STAM2: variants seen among roughly 807,000 people sequenced by gnomAD.
STAM2 encodes the protein signal transducing adapter molecule 2.
Under a neutral mutation model 65.6 loss-of-function variants are expected in STAM2, and 51 were observed. That is an observed-to-expected ratio of 0.78 (90% CI 0.62 to 0.98). STAM2 has a LOEUF of 0.98. STAM2 is among the 50% of genes least tolerant of loss of function. The pLI, the probability that STAM2 is intolerant of heterozygous loss-of-function variation, is 0.00. For missense variants in STAM2, 584 were observed against 617.8 expected (o/e 0.95, Z 0.58); for synonymous variants, 198 against 208.4 (o/e 0.95, Z 0.43).
At chr2:152,122,255 C>T (rs1202213577) in intron 13 of STAM2, among the ~76,000 whole-genome samples, 2 of 151,576 alleles carry the variant, frequency 1.3e-5, no homozygotes, top group African/African-American at 4.9e-5. Context: ...TGGCAATACC[C>T]ATCTCTACAA....
chr2:152,119,966 A>T lies in STAM2; in HGVS notation c.*608T>A, dbSNP rs1413127868. On this transcript the variant is annotated 3_prime_UTR_variant, in exon 14 of 14. Transcript: ENST00000263904. ...ACATAACAGTGAGAGCAAAAGTGAC[A>T]ATACTGCAAACACAACCGCAATTTA... The T allele has an allele frequency of 6.5e-6, 1 of 152,816 alleles. No homozygotes were observed. Among genetic ancestry groups the T allele is most frequent in the Non-Finnish European group, 1.5e-5 (1 of 68,220 alleles). 9.5% of individuals were successfully genotyped at this position (152,816 alleles called of 1,614,324 possible).
intron 12 of STAM2, among the ~76,000 whole-genome samples, chr2:152,125,018 A>G (rs576089687): frequency 1.3e-5 from 2 of 152,376 alleles, no homozygotes; most frequent in African/African-American, 4.8e-5. Flanking sequence ...TTTTAGAGAC[A>G]TGAGTTGTGC....
intron 1 of STAM2, 26 bp from the exon 2 acceptor site, chr2:152,150,255 CAAT>C (rs1560218428): frequency 8.4e-6 from 12 of 1,422,342 alleles, no homozygotes; most frequent in South Asian, 2.3e-5. Context: ...GCATACACAA[CAAT>C]GAGGACACAT....
At chr2:152,175,469 G>A (rs1689997848) in intron 1 of STAM2, 134 bp downstream of exon 1, 3 of 1,164,900 alleles carry the variant, frequency 2.6e-6, no homozygotes, top group Non-Finnish European at 3.7e-6. Context: ...CGTCGAAGGA[G>A]CGGGCGGCAC....
intron 2 of STAM2, 63 bp downstream of exon 2, chr2:152,150,082 C>T: frequency 8.8e-7 from 1 of 1,131,566 alleles, no homozygotes; most frequent in South Asian, 1.3e-5. Context: ...AAAGTTACAT[C>T]ACAAAAAGAG....
intron 1 of STAM2, among the ~76,000 whole-genome samples, chr2:152,172,686 T>C (rs976495849): frequency 2.0e-5 from 3 of 151,748 alleles, no homozygotes; most frequent in Non-Finnish European, 4.4e-5. Context: ...CTGGCCAACA[T>C]GGTGAAACCT....
At chr2:152,152,790 A>G (rs940802321) in intron 1 of STAM2, among the ~76,000 whole-genome samples, 3 of 152,198 alleles carry the variant, frequency 2.0e-5, no homozygotes, top group African/African-American at 7.2e-5. Flanking sequence ...TTTCACCTGA[A>G]GTTTCACAAC....
At chr2:152,145,974 A>T (rs1403296781) in intron 5 of STAM2, among the ~76,000 whole-genome samples, 1 of 152,150 alleles carries the variant, frequency 6.6e-6, no homozygotes, top group East Asian at 1.9e-4. Flanking sequence ...GGTCAGCTAT[A>T]AAGAATCTTT....
rs1403898578 is a variant in STAM2, at chr2:152,126,258, A to C, written c.1147T>G (p.Tyr383Asp). 3 of 1,606,616 alleles carry C rather than the reference A, an allele frequency of 1.9e-6. No homozygotes were observed. The highest frequency in any genetic ancestry group is 2.5e-6 in the Non-Finnish European group (3 of 1,176,504). Residue 383 changes from tyrosine to aspartate, a missense_variant, in exon 12 of 14, where the codon TAC (tyrosine) becomes GAC (aspartate). Transcript: ENST00000263904. ...GGAACCCCAGATGATGCAGGTGGGTAATGTGCTGGAGGGTGGAGCTTTGAA... is the reference window on the plus strand; with the variant it reads ...GGAACCCCAGATGATGCAGGTGGGTCATGTGCTGGAGGGTGGAGCTTTGAA... ...VYSKLHPPAH[Y>D]PPASSGVPMQ... is the part of the protein sequence containing the mutation.
At chr2:152,152,955 A>G (rs10930959) in intron 1 of STAM2, among the ~76,000 whole-genome samples, 35,497 of 152,146 alleles carry the variant, frequency 0.23, 4,226 homozygotes, top group Admixed American at 0.31. Context: ...TACAGTATGT[A>G]TGTAGAAAAT....
At chr2:152,156,593 T>C (rs190025883) in intron 1 of STAM2, among the ~76,000 whole-genome samples, 101 of 152,180 alleles carry the variant, frequency 6.6e-4, no homozygotes, top group African/African-American at 2.3e-3. Flanking sequence ...GATTACTGTA[T>C]AAAAAGAGCC....
At chr2:152,143,074 T>C (rs1689277611) in intron 7 of STAM2, among the ~76,000 whole-genome samples, 1 of 152,212 alleles carries the variant, frequency 6.6e-6, no homozygotes, top group Non-Finnish European at 1.5e-5. Flanking sequence ...TATTCTAGGT[T>C]TTATGAAGAC....
intron 1 of STAM2, among the ~76,000 whole-genome samples, chr2:152,173,378 A>ATATATATATG (rs1553848910): frequency 1.4e-5 from 2 of 147,376 alleles, no homozygotes; most frequent in African/African-American, 4.9e-5. Flanking sequence ...ATATACATAT[A>ATATATATATG]TATATATATG....
rs751556046 is a variant in STAM2, at chr2:152,143,943, T to A, written c.588A>T (p.Glu196Asp). ...GTGCAACCTTATTATTTAACTGAAT[T>A]TCTGAAGATGGATATAAGGATTTTG... ...TETKSLYPSS[E>D]IQLNNKVARK... Residue 196 changes from glutamate (E) to aspartate (D), a missense_variant, in exon 7 of 14, where the codon GAA becomes GAT. Glu to Asp is a conservative substitution (Grantham distance 45, BLOSUM62 2). Coordinates refer to ENST00000263904, the MANE Select transcript of STAM2 (RefSeq NM_005843.6). 2 of 1,613,854 alleles carry A rather than the reference T, an allele frequency of 1.2e-6. No homozygotes were observed. Among genetic ancestry groups the A allele is most frequent in the East Asian group, 2.2e-5 (1 of 44,792 alleles).
rs548731429 is a variant in STAM2 at position 152,164,915 on chromosome 2, T to C, written c.40+10688A>G. 9.8e-5 allele frequency among the ~76,000 whole-genome samples: 15 copies of C among 152,306 alleles called. No homozygotes were observed. The East Asian group carries it at 2.9e-3, about 29-fold the overall frequency. On this transcript the variant is annotated intron_variant, in intron 1 of 13. Transcript: ENST00000263904. ...ATCCTGGGGCCAGCCTTTATTTTCC[T>C]ACAAGTTCACTTTCTTCTTGGCTGA...
At chr2:152,156,996 A>G (rs1297854378) in intron 1 of STAM2, among the ~76,000 whole-genome samples, 2 of 152,206 alleles carry the variant, frequency 1.3e-5, no homozygotes, top group African/African-American at 4.8e-5. Flanking sequence ...CAGGCAGAGC[A>G]GGTCCCAGAT....
chr2:152,170,324 C>CA (rs946067108), intron 1 of STAM2, among the ~76,000 whole-genome samples: 34 of 149,964 alleles, frequency 2.3e-4, no homozygotes, highest in African/African-American at 7.3e-4. Flanking sequence ...ACTAAAAATA[C>CA]AAAAAAAAAT....
intron 1 of STAM2, among the ~76,000 whole-genome samples, chr2:152,152,561 C>CAA (rs35973078): frequency 7.4e-5 from 11 of 148,084 alleles, no homozygotes; most frequent in Non-Finnish European, 9.0e-5. Context: ...AAAAAAACAA[C>CAA]AAAAAAAAAA....
At position 152,126,268 on chromosome 2, in the gene STAM2, A is replaced by G; in HGVS notation, c.1137T>C (p.Pro379=). The change falls in exon 12 of 14, where the codon CCT becomes CCC. Residue 379 remains proline, a synonymous_variant. Transcript: ENST00000263904. ...PVYSVYSKLH[P]PAHYPPASSG... ...ATGATGCAGGTGGGTAATGTGCTGG[A>G]GGGTGGAGCTTTGAATAGACTGAGT... 1.2e-6 allele frequency: 2 copies of G among 1,611,280 alleles called. No homozygotes were observed. The highest frequency in any genetic ancestry group is 1.7e-6 in the Non-Finnish European group (2 of 1,178,660).
Sources: allele counts gnomAD v4.1 joint callset (sites outside exome capture counted in the v4.1 genomes callset), GRCh38; gene constraint gnomAD v4.1.1; transcripts MANE v1.5; gene names NCBI Gene and HGNC (gene_info 2026-07-23, HGNC 2026-07-21).